The following LRRC8C variants were observed in gnomAD, a reference collection of about 807,000 sequenced individuals.
The protein encoded by LRRC8C is volume-regulated anion channel subunit LRRC8C.
A neutral mutation model predicts 55.3 loss-of-function variants in LRRC8C; 20 were observed. That is an observed-to-expected ratio of 0.36 (90% CI 0.25 to 0.53). LRRC8C has a LOEUF of 0.53. Among genes scored for constraint, LRRC8C ranks in the 20% least tolerant of loss-of-function variants. The pLI is 0.92. For synonymous variants in LRRC8C, 376 were observed against 360.7 expected (o/e 1.04, Z -0.48); for missense variants, 659 against 951.4 (o/e 0.69, Z 4.04).
rs1193351803 is a variant in LRRC8C at position 89,716,317 on chromosome 1, G to C, written c.*1335G>C. 6.6e-6 allele frequency: 1 copy of C among 152,104 alleles called. No homozygotes were observed. The highest frequency in any genetic ancestry group is 1.5e-5 in the Non-Finnish European group (1 of 68,016). 9.4% of individuals were successfully genotyped at this position (152,104 alleles called of 1,614,324 possible). Reference sequence around the variant, plus strand: ...CCTGGAATCAATTCCCCATGATACCGAGGGATGACTGGATATTAATCGATT... The same window carrying C: ...CCTGGAATCAATTCCCCATGATACCCAGGGATGACTGGATATTAATCGATT... On this transcript the variant is annotated 3_prime_UTR_variant, in exon 3 of 3. Transcript: ENST00000370454.
At chr1:89,695,591 T>C (rs1239665730) in intron 2 of LRRC8C, among the ~76,000 whole-genome samples, 3 of 152,212 alleles carry the variant, frequency 2.0e-5, no homozygotes, top group African/African-American at 7.2e-5. Flanking sequence ...CAGTTAGTAG[T>C]CACTTAATTT....
intron 1 of LRRC8C, among the ~76,000 whole-genome samples, chr1:89,651,567 C>CAAAAAAAAA (rs1179039674): frequency 2.5e-5 from 1 of 40,726 alleles, no homozygotes; most frequent in African/African-American, 8.5e-5. Flanking sequence ...GACTCTGTCT[C>CAAAAAAAAA]AAAAAAAAAA....
intron 2 of LRRC8C, among the ~76,000 whole-genome samples, chr1:89,691,102 T>TG (rs1323644466): frequency 1.3e-5 from 2 of 152,158 alleles, no homozygotes; most frequent in Non-Finnish European, 2.9e-5. Flanking sequence ...AGACACTCTG[T>TG]GGGGTGTTAG....
chr1:89,643,388 A>T (rs1343963443), intron 1 of LRRC8C, among the ~76,000 whole-genome samples: 1 of 152,230 alleles, frequency 6.6e-6, no homozygotes, highest in Non-Finnish European at 1.5e-5. Context: ...AGCTGGGAGG[A>T]CATATTCTTA....
chr1:89,707,135 T>C (rs960973109), intron 2 of LRRC8C, among the ~76,000 whole-genome samples: 4 of 151,762 alleles, frequency 2.6e-5, no homozygotes, highest in African/African-American at 9.7e-5. Flanking sequence ...GGCCAGGCGC[T>C]GTGGCTCATG....
the LRRC8C span, among the ~76,000 whole-genome samples, chr1:89,619,396 T>C: frequency 1.3e-5 from 2 of 150,712 alleles, no homozygotes; most frequent in Non-Finnish European, 3.0e-5. Context: ...TATATTTATA[T>C]AAAATTTATC....
chr1:89,657,036 C>CG (rs1237930292), intron 1 of LRRC8C, among the ~76,000 whole-genome samples: 1 of 152,068 alleles, frequency 6.6e-6, no homozygotes, highest in Non-Finnish European at 1.5e-5. Context: ...GTCTTTCTGG[C>CG]TATAAAACAT....
chr1:89,623,151 GACACAC>G, the LRRC8C span, among the ~76,000 whole-genome samples: 9,241 of 149,650 alleles, frequency 0.062, 875 homozygotes, highest in African/African-American at 0.21. Flanking sequence ...AACTAACTCA[GACACAC>G]ACACACACAC....
chr1:89,712,360 G>A (rs1240839328), intron 2 of LRRC8C, among the ~76,000 whole-genome samples: 1 of 152,142 alleles, frequency 6.6e-6, no homozygotes, highest in African/African-American at 2.4e-5. Context: ...TGATCCACCC[G>A]GCTTGGCCTC....
At chr1:89,637,599 T>A (rs1023769734) in intron 1 of LRRC8C, among the ~76,000 whole-genome samples, 2 of 151,990 alleles carry the variant, frequency 1.3e-5, no homozygotes, top group African/African-American at 4.8e-5. Flanking sequence ...AAAGAGACTG[T>A]GGGGTCAAGA....
chr1:89,670,282 G>A (rs1657379302), intron 1 of LRRC8C, among the ~76,000 whole-genome samples: 2 of 152,148 alleles, frequency 1.3e-5, no homozygotes, highest in Admixed American at 6.5e-5. Flanking sequence ...TAGTGCTGAA[G>A]AAGGTTTTCT....
At chr1:89,645,303 T>C (rs6663526) in intron 1 of LRRC8C, among the ~76,000 whole-genome samples, 84,598 of 151,750 alleles carry the variant, frequency 0.56, 23,994 homozygotes, top group East Asian at 0.79. Context: ...GAACATGTAT[T>C]GATAGAAATA....
intron 2 of LRRC8C, among the ~76,000 whole-genome samples, chr1:89,705,529 A>G (rs1345673727): frequency 1.3e-5 from 2 of 152,128 alleles, no homozygotes; most frequent in East Asian, 3.8e-4. Context: ...CTGTAATCCC[A>G]GCACTTTGGG....
chr1:89,686,704 T>G, intron 2 of LRRC8C, 93 bp downstream of exon 2: 3 of 1,397,092 alleles, frequency 2.1e-6, no homozygotes, highest in Non-Finnish European at 3.0e-6. Flanking sequence ...TTTTTAACCA[T>G]GTAAGTATTA....
chr1:89,683,008 A>G (rs1166430321), intron 1 of LRRC8C, among the ~76,000 whole-genome samples: 2 of 152,238 alleles, frequency 1.3e-5, no homozygotes, highest in African/African-American at 2.4e-5. Flanking sequence ...CAGGGAGAAC[A>G]ACTAAAGTAT....
At chr1:89,675,089 C>T (rs900255585) in intron 1 of LRRC8C, among the ~76,000 whole-genome samples, 1 of 152,146 alleles carries the variant, frequency 6.6e-6, no homozygotes, top group African/African-American at 2.4e-5. Context: ...AGTCTACCAT[C>T]TATTTTTATG....
At chr1:89,686,440 T>C (rs1411980250) in intron 1 of LRRC8C, 30 bp from the exon 2 acceptor site, 12 of 1,612,308 alleles carry the variant, frequency 7.4e-6, no homozygotes, top group African/African-American at 2.7e-5. Context: ...GGAAGATAAA[T>C]TGATTTACAA....
chr1:89,636,442 T>C (rs1656283977), intron 1 of LRRC8C, among the ~76,000 whole-genome samples: 1 of 152,238 alleles, frequency 6.6e-6, no homozygotes, highest in African/African-American at 2.4e-5. Flanking sequence ...CATGTACTCA[T>C]TCTATAGTTT....
At chr1:89,659,046 AG>A (rs1398390273) in intron 1 of LRRC8C, among the ~76,000 whole-genome samples, 1 of 70,594 alleles carries the variant, frequency 1.4e-5, no homozygotes, top group African/African-American at 5.7e-5. Flanking sequence ...TGTCTTCTCC[AG>A]GTTTTTTTTT....
Sources: allele counts gnomAD v4.1 joint callset (sites outside exome capture counted in the v4.1 genomes callset), GRCh38; gene constraint gnomAD v4.1.1; transcripts MANE v1.5; gene names NCBI Gene and HGNC (gene_info 2026-07-23, HGNC 2026-07-21).